The following TPST1 variants were observed in gnomAD, a reference collection of about 807,000 sequenced individuals.
TPST1 encodes tyrosylprotein sulfotransferase 1.
A neutral mutation model predicts 34.8 loss-of-function variants in TPST1; 20 were observed. The ratio of observed to expected loss-of-function variants is 0.57; its 90% confidence interval spans 0.40 to 0.84. The LOEUF (loss-of-function observed/expected upper bound fraction) is 0.84. Among genes scored for constraint, TPST1 ranks in the 40% least tolerant of loss-of-function variants. TPST1 has a pLI of 0.00. For synonymous variants in TPST1, 152 were observed against 159.4 expected (o/e 0.95, Z 0.35); for missense variants, 353 against 455.5 (o/e 0.78, Z 2.05).
intron 1 of TPST1, among the ~76,000 whole-genome samples, chr7:66,213,145 A>G (rs528420213): frequency 3.3e-5 from 5 of 152,276 alleles, no homozygotes; most frequent in African/African-American, 1.2e-4. Context: ...ATAATTTTTC[A>G]GTACCACTCT....
chr7:66,252,351 C>T (rs1321989341), intron 2 of TPST1, among the ~76,000 whole-genome samples: 1 of 149,028 alleles, frequency 6.7e-6, no homozygotes, highest in East Asian at 2.0e-4. Flanking sequence ...AGCCACCGCG[C>T]CCAGCCTTTT....
At chr7:66,343,248 T>C (rs1792275811) in intron 3 of TPST1, among the ~76,000 whole-genome samples, 1 of 152,224 alleles carries the variant, frequency 6.6e-6, no homozygotes, top group African/African-American at 2.4e-5. Context: ...AGGATGTGAT[T>C]GTAACAACGT....
At chr7:66,330,529 T>C (rs1282129329) in intron 3 of TPST1, among the ~76,000 whole-genome samples, 2 of 152,206 alleles carry the variant, frequency 1.3e-5, no homozygotes, top group Non-Finnish European at 2.9e-5. Context: ...AGCTAGACCA[T>C]CTAATTCATT....
intron 2 of TPST1, among the ~76,000 whole-genome samples, chr7:66,245,284 TAACTC>T (rs1236756940): frequency 1.3e-5 from 2 of 152,186 alleles, no homozygotes; most frequent in African/African-American, 2.4e-5. Flanking sequence ...AGATTGGACT[TAACTC>T]TGAATACAGC....
chr7:66,253,331 G>C (rs1790306143), intron 2 of TPST1, among the ~76,000 whole-genome samples: 3 of 150,686 alleles, frequency 2.0e-5, no homozygotes, highest in Admixed American at 2.0e-4. Context: ...TAAACATCAG[G>C]TTTCCATGTA....
chr7:66,267,573 C>T (rs1156364346), intron 2 of TPST1, among the ~76,000 whole-genome samples: 1 of 152,032 alleles, frequency 6.6e-6, no homozygotes, highest in East Asian at 1.9e-4. Context: ...CCCCAAATTG[C>T]AGAATAAGTA....
intron 2 of TPST1, among the ~76,000 whole-genome samples, chr7:66,279,399 A>G (rs1411545431): frequency 1.3e-5 from 2 of 152,228 alleles, no homozygotes; most frequent in East Asian, 1.9e-4. Flanking sequence ...ATACAGTTAC[A>G]TGTGTCTTTA....
At chr7:66,330,649 TC>T (rs1791978436) in intron 3 of TPST1, among the ~76,000 whole-genome samples, 1 of 152,156 alleles carries the variant, frequency 6.6e-6, no homozygotes, top group Non-Finnish European at 1.5e-5. Context: ...TTCCTCACAT[TC>T]CTTAAAACTC....
chr7:66,215,357 C>T (rs1789371642), intron 1 of TPST1, among the ~76,000 whole-genome samples: 1 of 149,632 alleles, frequency 6.7e-6, no homozygotes, highest in East Asian at 2.0e-4. Flanking sequence ...CATACCTGAC[C>T]CTAATATTAT....
chr7:66,239,188 G>A (rs1469080647), intron 1 of TPST1, among the ~76,000 whole-genome samples: 2 of 152,122 alleles, frequency 1.3e-5, no homozygotes, highest in African/African-American at 4.8e-5. Context: ...GGGTCTCAGT[G>A]TGGGCTGGTC....
At chr7:66,249,507 A>G (rs1790219789) in intron 2 of TPST1, among the ~76,000 whole-genome samples, 1 of 152,192 alleles carries the variant, frequency 6.6e-6, no homozygotes, top group Admixed American at 6.5e-5. Flanking sequence ...TCAAACATCA[A>G]CCATTCATCA....
intron 2 of TPST1, among the ~76,000 whole-genome samples, chr7:66,273,030 A>G (rs1178991479): frequency 6.6e-6 from 1 of 152,224 alleles, no homozygotes; most frequent in Non-Finnish European, 1.5e-5. Context: ...ACATATAGAA[A>G]GTCCTAAAGA....
At position 66,286,729 on chromosome 7, in the gene TPST1, G is replaced by A. The variant is rs1428884299; in HGVS notation, c.1044+20G>A. On this transcript the variant is annotated intron_variant, in intron 3 of 5. Transcript: ENST00000304842. ...CGAAGGGTAAGTGAGATTTTTTAAA[G>A]CAACTGAGAAAACTAGATTTTGAAT... The A allele has an allele frequency of 1.4e-5, 21 of 1,460,030 alleles. No homozygotes were observed. In the East Asian group the frequency reaches 5.5e-4, roughly 38 times the overall value. The allele number at this position is 1,460,030 out of a possible 1,614,324, so 90.4% of individuals were successfully genotyped here. A position where few individuals can be genotyped will look rare whatever the true frequency, so the allele number is the denominator to read the frequency against.
At chr7:66,252,327 G>A (rs976272061) in intron 2 of TPST1, among the ~76,000 whole-genome samples, 2 of 146,134 alleles carry the variant, frequency 1.4e-5, no homozygotes, top group African/African-American at 5.1e-5. Context: ...CAAAGTGCTG[G>A]GATTACAGGC....
chr7:66,316,856 A>AG (rs1302958319), intron 3 of TPST1, among the ~76,000 whole-genome samples: 2 of 152,280 alleles, frequency 1.3e-5, no homozygotes, highest in Non-Finnish European at 2.9e-5. Flanking sequence ...CTCACTTATA[A>AG]GGGGGCACTA....
chr7:66,229,040 A>C (rs918726759), intron 1 of TPST1, among the ~76,000 whole-genome samples: 14 of 152,166 alleles, frequency 9.2e-5, no homozygotes, highest in African/African-American at 3.1e-4. Flanking sequence ...TTATAGTCAC[A>C]CAGTCCCCTG....
At chr7:66,328,741 C>T (rs1049081385) in intron 3 of TPST1, among the ~76,000 whole-genome samples, 13 of 149,470 alleles carry the variant, frequency 8.7e-5, no homozygotes, top group African/African-American at 2.7e-4. Flanking sequence ...GACCAGGTTT[C>T]GCCATGTTGA....
At chr7:66,348,033 A>G (rs188055746) in intron 3 of TPST1, among the ~76,000 whole-genome samples, 3 of 152,262 alleles carry the variant, frequency 2.0e-5, no homozygotes, top group Non-Finnish European at 1.5e-5. Context: ...AACCCCACCA[A>G]CCTATGGTAA....
At chr7:66,353,639 A>C (rs1037956678) in intron 4 of TPST1, among the ~76,000 whole-genome samples, 9 of 152,152 alleles carry the variant, frequency 5.9e-5, no homozygotes, top group Non-Finnish European at 1.5e-5. Flanking sequence ...GCCCATATGG[A>C]AGTCAGAAAA....
Sources: allele counts gnomAD v4.1 joint callset (sites outside exome capture counted in the v4.1 genomes callset), GRCh38; gene constraint gnomAD v4.1.1; transcripts MANE v1.5; gene names NCBI Gene and HGNC (gene_info 2026-07-23, HGNC 2026-07-21).